MYLK2: variants seen among roughly 807,000 people sequenced by gnomAD.
MYLK2 encodes myosin light chain kinase 2.
In MYLK2, 27 loss-of-function variants were observed where a neutral mutation model predicts 58.2. The ratio of observed to expected loss-of-function variants is 0.46; its 90% CI spans 0.34 to 0.64. The LOEUF (loss-of-function observed/expected upper bound fraction) is 0.64, where lower values mean the gene tolerates loss of function less well. MYLK2 is among the 30% of genes least tolerant of loss of function. The pLI, the probability that MYLK2 is intolerant of heterozygous loss-of-function variation, is 0.01. For missense variants in MYLK2, 676 were observed against 764.3 expected, an observed-to-expected ratio of 0.88 and a Z score of 1.36; for synonymous variants, 310 against 296.7, an observed-to-expected ratio of 1.04 and a Z score of -0.46.
Position 31,823,411 on chromosome 20 carries a change from G to C in MYLK2, c.773-66G>C, listed in dbSNP as rs2062261144. On this transcript the variant is annotated intron_variant, in intron 4 of 12. Coordinates refer to ENST00000375985, the MANE Select transcript of MYLK2 (RefSeq NM_033118.4). ...GATGGGGCCCAGGCCAGCAGGAGGG[G>C]TGGTGCCAAGGGGAATCCTCAGCAG... 3 of 1,432,272 alleles carry C rather than the reference G, an allele frequency of 2.1e-6. No homozygotes were observed. In the South Asian group the frequency reaches 3.5e-5, roughly 16 times the overall value. 88.7% of individuals were successfully genotyped at this position (1,432,272 alleles called of 1,614,324 possible). A position where few individuals can be genotyped will look rare whatever the true frequency, so the allele number is the denominator to read the frequency against.
At chr20:31,828,582 G>A (rs2062291165) in intron 8 of MYLK2, 1 of 984,240 alleles carries the variant, frequency 1.0e-6, no homozygotes. Flanking sequence ...TAACTAAATA[G>A]GTCATTTTAA....
At chr20:31,819,489 G>A (rs2062240558) in intron 1 of MYLK2, 44 bp from the exon 2 acceptor site, 6 of 1,511,558 alleles carry the variant, frequency 4.0e-6, no homozygotes, top group Admixed American at 2.0e-5. Flanking sequence ...CCAGACGAGA[G>A]GGGAAATTGG....
intron 2 of MYLK2, 30 bp downstream of exon 2, chr20:31,819,662 G>A (rs1347897708): frequency 2.6e-6 from 4 of 1,551,256 alleles, no homozygotes; most frequent in Non-Finnish European, 3.5e-6. Flanking sequence ...GATGGAGGGA[G>A]GAGCTTGGGA....
intron 10 of MYLK2, 65 bp from the exon 11 acceptor site, chr20:31,831,638 C>T (rs955047206): frequency 3.8e-6 from 6 of 1,577,358 alleles, no homozygotes; most frequent in Non-Finnish European, 5.2e-6. Flanking sequence ...TGTTCCCTAC[C>T]CCTCTGAAGG....
At position 31,826,873 on chromosome 20, in the gene MYLK2, G is replaced by T. The variant is rs1568631861; in HGVS notation, c.1159G>T (p.Val387Phe). 6.2e-7 allele frequency: 1 copy of T among 1,614,152 alleles called. No individual in the cohort carries two copies. Among genetic ancestry groups the T allele is most frequent in the Non-Finnish European group, 8.5e-7 (1 of 1,180,028 alleles). The stretch of plus-strand genomic sequence containing the variant: ...GACCGAGGTGGACACCATGGTGTTT[G>T]TCAGGCAGATCTGTGACGGGATCCT... The part of the protein sequence containing the change: ...HLTEVDTMVF[V>F]RQICDGILFM... The change falls in exon 8 of 13, where the codon GTC becomes TTC. Residue 387 changes from valine to phenylalanine, a missense_variant. This residue lies in a region of MYLK2 where 370 missense variants were observed against 467.8 expected (regional missense o/e 0.79). Coordinates refer to ENST00000375985, the MANE Select transcript of MYLK2 (RefSeq NM_033118.4).
Position 31,824,365 on chromosome 20 carries a change from C to T in MYLK2, c.972+13C>T, listed in dbSNP as rs876657524. ...TCCCAAAGACAAGGTAGTGAGGTTG[C>T]GGGGGTGGTGGCTGCCCAGGATGGG... On this transcript the variant is annotated intron_variant, in intron 6 of 12. Coordinates refer to ENST00000375985, the MANE Select transcript of MYLK2 (RefSeq NM_033118.4). 8.7e-6 allele frequency: 14 copies of T among 1,604,464 alleles called. No individual in the cohort carries two copies. Among genetic ancestry groups the T allele is most frequent in the African/African-American group, 2.7e-5 (2 of 74,660 alleles).
intron 4 of MYLK2, among the ~76,000 whole-genome samples, 166 bp downstream of exon 4, chr20:31,821,903 T>A (rs1460589487): frequency 6.6e-6 from 1 of 152,198 alleles, no homozygotes; most frequent in Non-Finnish European, 1.5e-5. Flanking sequence ...ATTCCTTTTT[T>A]AACGTATGTT....
Position 31,823,596 on chromosome 20 carries a change from C to G in MYLK2, c.878+14C>G. The G allele has an allele frequency of 1.2e-6, 2 of 1,611,548 alleles. No homozygotes were observed. The highest frequency in any genetic ancestry group is 1.7e-6 in the Non-Finnish European group (2 of 1,178,088). On this transcript the variant is annotated intron_variant, in intron 5 of 12. Coordinates refer to ENST00000375985, the MANE Select transcript of MYLK2 (RefSeq NM_033118.4). ...GGCGCTCGGAGGGTGAGATCTGGGA[C>G]CCCAGCTGGGCACTCATGGACAGAG...
In MYLK2 at chr20:31,834,070, G is replaced by A. The variant is rs1042277502; in HGVS notation, c.*273G>A. The A allele has an allele frequency of 5.9e-6, 3 of 508,560 alleles. No homozygotes were observed. The highest frequency in any genetic ancestry group is 2.2e-5 in the South Asian group (1 of 45,100). 31.5% of individuals were successfully genotyped at this position (508,560 alleles called of 1,614,324 possible). The stretch of plus-strand genomic sequence containing the variant: ...GCCACACCCCAGACTCCAGGCCCCC[G>A]TTGAAGCCGCTCCCGGTTCCCTCCC... On this transcript the variant is annotated 3_prime_UTR_variant, in exon 13 of 13. Coordinates refer to ENST00000375985, the MANE Select transcript of MYLK2 (RefSeq NM_033118.4).
chr20:31,820,653 G>T, intron 3 of MYLK2, 107 bp downstream of exon 3: 4 of 1,372,102 alleles, frequency 2.9e-6, no homozygotes, highest in Non-Finnish European at 4.0e-6. Context: ...TCAGTGCTGG[G>T]GAGTGTAGTT....
Position 31,823,554 on chromosome 20 carries a change from A to C in MYLK2, c.850A>C (p.Ser284Arg). The C allele has an allele frequency of 5.6e-6, 9 of 1,613,970 alleles. No individual in the cohort carries two copies. Among genetic ancestry groups the C allele is most frequent in the Non-Finnish European group, 7.6e-6 (9 of 1,180,024 alleles). Residue 284 changes from serine (S) to arginine (R), a missense_variant, in exon 5 of 13, where the codon AGT (serine) becomes CGT (arginine). This residue lies in a region of MYLK2 where 370 missense variants were observed against 467.8 expected (regional missense o/e 0.79). Transcript: ENST00000375985. Reference protein sequence around the residue: ...LRTGNVSSEFSMNSKEALGGG... With the variant: ...LRTGNVSSEFRMNSKEALGGG... ...GACCGGGAATGTCAGCAGTGAATTCAGTATGAACTCCAAGGAGGCGCTCGG... is the reference window on the plus strand; with the variant it reads ...GACCGGGAATGTCAGCAGTGAATTCCGTATGAACTCCAAGGAGGCGCTCGG...
At chr20:31,825,687 G>A (rs2062275505) in intron 6 of MYLK2, among the ~76,000 whole-genome samples, 1 of 152,118 alleles carries the variant, frequency 6.6e-6, no homozygotes, top group South Asian at 2.1e-4. Context: ...ACATATGTGA[G>A]GTGAGAACTG....
chr20:31,828,310 A>G, intron 8 of MYLK2: 1 of 985,414 alleles, frequency 1.0e-6, no homozygotes, highest in Non-Finnish European at 1.2e-6. Flanking sequence ...GGCAGTCCTC[A>G]TGGCAGGTGT....
rs761288375 is a variant in MYLK2 at position 31,832,156 on chromosome 20, G to A, written c.1710+20G>A. 2.5e-6 allele frequency: 4 copies of A among 1,591,198 alleles called. No homozygotes were observed. Among genetic ancestry groups the A allele is most frequent in the Non-Finnish European group, 3.4e-6 (4 of 1,166,344 alleles). ...TGGAAGGTACCGCTGGATTCAGGGT[G>A]GGGAGGGAGGGCTTGCTAGTGGGAA... On this transcript the variant is annotated intron_variant, in intron 12 of 12. Transcript: ENST00000375985.
chr20:31,831,210 T>G, intron 10 of MYLK2, 69 bp downstream of exon 10: 1 of 1,610,466 alleles, frequency 6.2e-7, no homozygotes, highest in African/African-American at 1.3e-5. Flanking sequence ...AGGCCAAGAT[T>G]GGCCCTAGGG....
Position 31,831,000 on chromosome 20 carries a change from G to A in MYLK2, c.1296-13G>A, listed in dbSNP as rs759181721. On this transcript the variant is annotated splice_polypyrimidine_tract_variant and intron_variant, in intron 9 of 12. Coordinates refer to ENST00000375985, the MANE Select transcript of MYLK2 (RefSeq NM_033118.4). ...CCAGGAGCTGTGCTCTCAGCCCTTGGTCTCACCCCCAGGTATAACCCCAAC... is the reference window on the plus strand; with the variant it reads ...CCAGGAGCTGTGCTCTCAGCCCTTGATCTCACCCCCAGGTATAACCCCAAC... The A allele has an allele frequency of 2.2e-5, 35 of 1,614,026 alleles. No individual in the cohort carries two copies. The highest frequency in any genetic ancestry group is 3.0e-5 in the Non-Finnish European group (35 of 1,180,012).
chr20:31,826,513 G>A (rs1219323743), intron 6 of MYLK2, 92 bp from the exon 7 acceptor site: 3 of 1,556,762 alleles, frequency 1.9e-6, no homozygotes, highest in African/African-American at 1.4e-5. Flanking sequence ...TCTGGGCAAG[G>A]CTAGCAGGCC....
At chr20:31,830,115 G>A (rs2149281) in intron 8 of MYLK2, among the ~76,000 whole-genome samples, 60,949 of 152,086 alleles carry the variant, frequency 0.4, 15,333 homozygotes, top group African/African-American at 0.71. Flanking sequence ...CTGGGCAACT[G>A]TGGCCGAGTC....
intron 4 of MYLK2, 70 bp from the exon 5 acceptor site, chr20:31,823,406 GA>G: frequency 7.2e-7 from 1 of 1,395,898 alleles, no homozygotes; most frequent in Non-Finnish European, 1.0e-6. Context: ...AGGCCAGCAG[GA>G]GGGGTGGTGC....
Sources: allele counts gnomAD v4.1 joint callset (sites outside exome capture counted in the v4.1 genomes callset), GRCh38; gene constraint gnomAD v4.1.1; regional missense constraint gnomAD v4.1.1; transcripts MANE v1.5; gene names NCBI Gene and HGNC (gene_info 2026-07-23, HGNC 2026-07-21).